The following KCNQ3 variants were observed in gnomAD, a reference collection of about 807,000 sequenced individuals.
The protein encoded by KCNQ3 is potassium voltage-gated channel subfamily KQT member 3.
KCNQ3 carries 30 observed loss-of-function variants against 92.5 expected under a neutral mutation model. The observed-to-expected ratio is 0.32, with a 90% CI of 0.24 to 0.44. The LOEUF (loss-of-function observed/expected upper bound fraction) is 0.44. KCNQ3 is among the 20% of genes least tolerant of loss of function. KCNQ3 has a pLI of 1.00. For missense variants in KCNQ3, 913 were observed against 1,140.3 expected, an observed-to-expected ratio of 0.80 and a Z score of 2.87; for synonymous variants, 450 against 468.8, an observed-to-expected ratio of 0.96 and a Z score of 0.52.
At chr8:132,269,452 C>A (rs183399845) in intron 1 of KCNQ3, among the ~76,000 whole-genome samples, 11 of 152,254 alleles carry the variant, frequency 7.2e-5, no homozygotes, top group African/African-American at 2.6e-4. Flanking sequence ...TGTTTCAGCA[C>A]CATTTGTTGA....
rs571052211 is a variant in KCNQ3, at chr8:132,295,814, A to G, written c.387-109633T>C. Among the ~76,000 whole-genome samples the G allele has an allele frequency of 1.7e-4, 26 of 152,292 alleles. No individual in the cohort carries two copies. The South Asian group carries it at 3.3e-3, about 19-fold the overall frequency. ...AACCAAACACTGCATGTTCTCACTT[A>G]TAAGTGGGAGCTGAACAGTGAGAAC... On this transcript the variant is annotated intron_variant, in intron 1 of 14. Coordinates refer to ENST00000388996, the MANE Select transcript of KCNQ3 (RefSeq NM_004519.4).
chr8:132,203,166 G>A (rs1827513751), intron 1 of KCNQ3, among the ~76,000 whole-genome samples: 1 of 152,148 alleles, frequency 6.6e-6, no homozygotes. Context: ...TGAGATAAGA[G>A]CATTAATCCA....
intron 1 of KCNQ3, among the ~76,000 whole-genome samples, chr8:132,259,986 A>T (rs1815723215): frequency 6.6e-6 from 1 of 152,184 alleles, no homozygotes; most frequent in Admixed American, 6.6e-5. Flanking sequence ...AACATTGTTG[A>T]CATTAACTTT....
chr8:132,251,276 G>T (rs1048514111), intron 1 of KCNQ3, among the ~76,000 whole-genome samples: 3 of 152,058 alleles, frequency 2.0e-5, no homozygotes, highest in Non-Finnish European at 4.4e-5. Context: ...AAAAAAAAAG[G>T]CATGCTTTTG....
At chr8:132,458,912 A>C (rs984452075) in intron 1 of KCNQ3, among the ~76,000 whole-genome samples, 3 of 152,202 alleles carry the variant, frequency 2.0e-5, no homozygotes, top group African/African-American at 7.2e-5. Flanking sequence ...ACTAAAGTCC[A>C]TACTTTATTC....
At chr8:132,243,258 A>C (rs941443634) in intron 1 of KCNQ3, among the ~76,000 whole-genome samples, 3 of 152,226 alleles carry the variant, frequency 2.0e-5, no homozygotes, top group Admixed American at 1.3e-4. Flanking sequence ...AAAACTAGGA[A>C]GTGGCAGAGT....
At chr8:132,268,523 T>G (rs1437584957) in intron 1 of KCNQ3, among the ~76,000 whole-genome samples, 1 of 152,200 alleles carries the variant, frequency 6.6e-6, no homozygotes, top group Non-Finnish European at 1.5e-5. Context: ...TCTCCCAAAG[T>G]GCTGGGATTA....
At chr8:132,431,576 C>G (rs1395391182) in intron 1 of KCNQ3, among the ~76,000 whole-genome samples, 2 of 152,156 alleles carry the variant, frequency 1.3e-5, no homozygotes, top group East Asian at 3.9e-4. Flanking sequence ...ACCCATGGAG[C>G]CTGGCTCACC....
At chr8:132,390,874 G>T (rs927668550) in intron 1 of KCNQ3, among the ~76,000 whole-genome samples, 1 of 152,264 alleles carries the variant, frequency 6.6e-6, no homozygotes, top group Admixed American at 6.5e-5. Flanking sequence ...AATGGAAGGG[G>T]TCAACACAAT....
At chr8:132,297,285 A>T (rs1040008195) in intron 1 of KCNQ3, among the ~76,000 whole-genome samples, 4 of 151,734 alleles carry the variant, frequency 2.6e-5, no homozygotes, top group Non-Finnish European at 5.9e-5. Flanking sequence ...TAGATTCTGG[A>T]TATTAGCCCT....
At chr8:132,309,305 C>T (rs1421316863) in intron 1 of KCNQ3, among the ~76,000 whole-genome samples, 2 of 152,076 alleles carry the variant, frequency 1.3e-5, no homozygotes, top group South Asian at 2.1e-4. Flanking sequence ...TCTAGAGAAC[C>T]GTAATACACT....
chr8:132,174,907 G>T (rs560697505), intron 5 of KCNQ3, among the ~76,000 whole-genome samples: 1 of 152,200 alleles, frequency 6.6e-6, no homozygotes, highest in Non-Finnish European at 1.5e-5. Flanking sequence ...GCCACTTACT[G>T]GCTGAAAGAC....
intron 1 of KCNQ3, chr8:132,447,159 G>A (rs1294235735): frequency 6.7e-7 from 1 of 1,491,554 alleles, no homozygotes; most frequent in Non-Finnish European, 9.0e-7. Flanking sequence ...ATCTTAGGAT[G>A]CTCTGTTTTC....
rs1434893484 is a variant in KCNQ3, at chr8:132,122,744, C to G, written c.*6518G>C. 1 of 152,196 alleles carries G rather than the reference C, an allele frequency of 6.6e-6. No individual in the cohort carries two copies. The highest frequency in any genetic ancestry group is 6.5e-5 in the Admixed American group (1 of 15,284). The allele number at this position is 152,196 out of a possible 1,614,324, so 9.4% of individuals were successfully genotyped here. A position where few individuals can be genotyped will look rare whatever the true frequency, so the allele number is the denominator to read the frequency against. ...GACTCAGGAGAACTGAAACATCCTA[C>G]CACAGGGATTCACAAGGACTGCTGG... On this transcript the variant is annotated 3_prime_UTR_variant, in exon 15 of 15. Coordinates refer to ENST00000388996, the MANE Select transcript of KCNQ3 (RefSeq NM_004519.4).
At chr8:132,387,126 A>C (rs1295710926) in intron 1 of KCNQ3, among the ~76,000 whole-genome samples, 2 of 152,234 alleles carry the variant, frequency 1.3e-5, no homozygotes, top group African/African-American at 4.8e-5. Flanking sequence ...CAAAATCCTA[A>C]GTAAAATCTT....
intron 1 of KCNQ3, among the ~76,000 whole-genome samples, chr8:132,279,643 C>G (rs1405835247): frequency 6.6e-6 from 1 of 152,164 alleles, no homozygotes; most frequent in South Asian, 2.1e-4. Context: ...AAGCCATGAT[C>G]ACACACATCA....
At chr8:132,281,088 A>G (rs1870233) in intron 1 of KCNQ3, among the ~76,000 whole-genome samples, 11,413 of 152,240 alleles carry the variant, frequency 0.075, 472 homozygotes, top group South Asian at 0.18. Context: ...ACCTGTCTTC[A>G]GTGGCAGGCA....
At chr8:132,451,634 T>A (rs987345031) in intron 1 of KCNQ3, among the ~76,000 whole-genome samples, 2 of 152,178 alleles carry the variant, frequency 1.3e-5, no homozygotes, top group South Asian at 2.1e-4. Flanking sequence ...AACAGAAATG[T>A]AGGTGCAGGA....
intron 5 of KCNQ3, 109 bp from the exon 6 acceptor site, chr8:132,174,458 A>G (rs2130129094): frequency 1.2e-6 from 1 of 823,098 alleles, no homozygotes; most frequent in Non-Finnish European, 2.1e-6. Context: ...CAATGCTCCC[A>G]TTCATAACAA....
Sources: gnomAD v4.1 joint callset for allele counts (sites outside exome capture counted in the v4.1 genomes callset) on GRCh38, gnomAD v4.1.1 for gene constraint, MANE v1.5 for transcripts, NCBI Gene and HGNC (gene_info 2026-07-23, HGNC 2026-07-21) for gene names.